AKR7A2: variants seen among roughly 807,000 people sequenced by gnomAD.
AKR7A2 encodes the protein aflatoxin B1 aldehyde reductase member 2.
AKR7A2 carries 29 observed loss-of-function variants against 37.3 expected under a neutral mutation model. The observed-to-expected ratio is 0.78, with a 90% CI of 0.58 to 1.06. AKR7A2 has a LOEUF of 1.06. Ranked by LOEUF, AKR7A2 falls within the 50% of genes least tolerant of loss-of-function variation. AKR7A2 has a pLI of 0.00. For synonymous variants in AKR7A2, 228 were observed against 217.8 expected (o/e 1.05, Z -0.41); for missense variants, 529 against 497.9 (o/e 1.06, Z -0.59).
At chr1:19,307,285 T>C in intron 4 of AKR7A2, 29 bp downstream of exon 4, 1 of 1,612,126 alleles carries the variant, frequency 6.2e-7, no homozygotes, top group Non-Finnish European at 8.5e-7. Flanking sequence ...AGGAATAGGC[T>C]GAGACAGGGT....
rs2093756502 is a variant in AKR7A2 at position 19,304,013 on chromosome 1, C to T, written c.*212G>A. 2.6e-6 allele frequency: 2 copies of T among 771,368 alleles called. No individual in the cohort carries two copies. The allele number at this position is 771,368 out of a possible 1,614,324, so 47.8% of individuals were successfully genotyped here. On this transcript the variant is annotated 3_prime_UTR_variant, in exon 7 of 7. Transcript: ENST00000235835. ...AGGCTACAGCCAGGTCAAGTGCCTG[C>T]TTTATTCAACAGGAAGCGCTCAAGT... is the stretch of plus-strand genomic sequence containing the variant.
intron 3 of AKR7A2, chr1:19,307,627 T>C: frequency 3.3e-6 from 2 of 613,900 alleles, no homozygotes; most frequent in South Asian, 1.9e-5. Flanking sequence ...ATGAACTCCA[T>C]GCTGGACACT....
chr1:19,311,143 G>A (rs1010067135), intron 1 of AKR7A2, among the ~76,000 whole-genome samples: 6 of 152,072 alleles, frequency 3.9e-5, no homozygotes, highest in Admixed American at 2.6e-4. Context: ...GCCTCTCCCC[G>A]GCCTGCAGCT....
Position 19,307,014 on chromosome 1 carries a change from G to C in AKR7A2, c.776C>G (p.Thr259Ser). 2 of 1,614,142 alleles carry C rather than the reference G, an allele frequency of 1.2e-6. No homozygotes were observed. The highest frequency in any genetic ancestry group is 1.7e-6 in the Non-Finnish European group (2 of 1,180,008). Residue 259 changes from threonine to serine, a missense_variant, in exon 5 of 7, where the codon ACC becomes AGC. Physicochemically the swap from Thr to Ser is moderately conservative, Grantham distance 58. Transcript: ENST00000235835. ...GRFFGNSWAETYRNRFWKEHH... is the reference protein window; with the variant it reads ...GRFFGNSWAESYRNRFWKEHH... ...ACCCCCGGCTCACCGATTCCTGTAG[G>C]TCTCAGCCCAGCTATTCCCAAAGAA...
At chr1:19,304,462 C>A in intron 6 of AKR7A2, 76 bp from the exon 7 acceptor site, 1 of 1,611,924 alleles carries the variant, frequency 6.2e-7, no homozygotes, top group South Asian at 1.1e-5. Context: ...CAGCCACCTC[C>A]CTGCTGAGAT....
At chr1:19,310,756 TC>T (rs918771763) in intron 1 of AKR7A2, among the ~76,000 whole-genome samples, 3 of 147,324 alleles carry the variant, frequency 2.0e-5, no homozygotes, top group African/African-American at 7.6e-5. Flanking sequence ...TGCCCTCTTT[TC>T]CCCCCGACCC....
At position 19,306,087 on chromosome 1, in the gene AKR7A2, T is replaced by C. The variant is rs761942792; in HGVS notation, c.849A>G (p.Ala283=). ...TCACACTGGGGGCGCTGGCGCCATA[T>C]GCGGCCTGCAGGGCCTTCTCCACCA... The part of the protein sequence containing the change: ...IALVEKALQA[A]YGASAPSVTS... Residue 283 remains alanine, a synonymous_variant, in exon 6 of 7, where the codon GCA becomes GCG. Coordinates refer to ENST00000235835, the MANE Select transcript of AKR7A2 (RefSeq NM_003689.4). 36 of 1,614,064 alleles carry C rather than the reference T, an allele frequency of 2.2e-5. No homozygotes were observed. The highest frequency in any genetic ancestry group is 2.7e-5 in the Non-Finnish European group (32 of 1,180,006).
chr1:19,311,742 C>G (rs945962669), intron 1 of AKR7A2, 85 bp downstream of exon 1: 1 of 1,561,732 alleles, frequency 6.4e-7, no homozygotes, highest in African/African-American at 1.4e-5. Flanking sequence ...GTGCTGCCCG[C>G]GGCCGGGCCC....
At chr1:19,309,088 C>A (rs1473244189) in intron 1 of AKR7A2, among the ~76,000 whole-genome samples, 2 of 152,192 alleles carry the variant, frequency 1.3e-5, no homozygotes, top group Non-Finnish European at 1.5e-5. Context: ...TCCCAGCCAA[C>A]AAGGAAGAGC....
intron 1 of AKR7A2, among the ~76,000 whole-genome samples, chr1:19,308,978 C>G (rs758607943): frequency 2.6e-5 from 4 of 152,102 alleles, no homozygotes; most frequent in Non-Finnish European, 4.4e-5. Flanking sequence ...ATGGTAAGCA[C>G]AGGAGGGAAA....
downstream of AKR7A2, among the ~76,000 whole-genome samples, chr1:19,303,045 A>T (rs1191344789): frequency 6.6e-6 from 1 of 152,154 alleles, no homozygotes; most frequent in Non-Finnish European, 1.5e-5. Flanking sequence ...TGCAAAGATA[A>T]CTGATACACC....
chr1:19,305,967 C>T (rs370657813), intron 6 of AKR7A2, 51 bp downstream of exon 6: 7 of 1,612,546 alleles, frequency 4.3e-6, no homozygotes, highest in South Asian at 1.1e-5. Flanking sequence ...CTAAAGGTGA[C>T]GCTGGTCCCC....
chr1:19,303,662 T>C (rs184297854), downstream of AKR7A2, among the ~76,000 whole-genome samples: 4 of 152,360 alleles, frequency 2.6e-5, no homozygotes, highest in East Asian at 5.8e-4. Context: ...GTGACTCTAA[T>C]GGTAGTTTCT....
At chr1:19,304,764 T>C (rs2151987771) in intron 6 of AKR7A2, among the ~76,000 whole-genome samples, 1 of 152,198 alleles carries the variant, frequency 6.6e-6, no homozygotes, top group South Asian at 2.1e-4. Context: ...AGAGAGACTC[T>C]GTCTCTACAA....
intron 1 of AKR7A2, 72 bp downstream of exon 1, chr1:19,311,755 G>C: frequency 6.3e-7 from 1 of 1,589,876 alleles, no homozygotes; most frequent in Non-Finnish European, 8.6e-7. Flanking sequence ...CCGGGCCCGA[G>C]CGGGGTGGTG....
Position 19,307,064 on chromosome 1 carries a change from C to G in AKR7A2, c.726G>C (p.Lys242Asn). 1.2e-6 allele frequency: 2 copies of G among 1,614,238 alleles called. No homozygotes were observed. The highest frequency in any genetic ancestry group is 1.7e-6 in the Non-Finnish European group (2 of 1,180,042). ...AGCGGCCCACAGGCTGTTTCCCGTC[C>G]TTGTCCTCATACTTGTACTTGCCAG... The part of the protein sequence containing the change: ...LLTGKYKYED[K>N]DGKQPVGRFF... The change falls in exon 5 of 7, where the codon AAG (lysine) becomes AAC (asparagine). Residue 242 changes from lysine (K) to asparagine (N), a missense_variant. By Grantham distance (94) the Lys-to-Asn change is moderately conservative. Transcript: ENST00000235835.
intron 5 of AKR7A2, 69 bp from the exon 6 acceptor site, chr1:19,306,216 G>A: frequency 6.2e-7 from 1 of 1,609,178 alleles, no homozygotes; most frequent in South Asian, 1.1e-5. Context: ...CAACCAAATA[G>A]CCATCCAGGA....
At chr1:19,310,166 A>G (rs1221616340) in intron 1 of AKR7A2, among the ~76,000 whole-genome samples, 1 of 152,254 alleles carries the variant, frequency 6.6e-6, no homozygotes, top group Non-Finnish European at 1.5e-5. Context: ...TAGCAAAGTC[A>G]GCTCAGTAGC....
In AKR7A2 at chr1:19,304,380, G is replaced by A. The variant is rs147751116; in HGVS notation, c.925C>T (p.His309Tyr). ...MYHHSQLQGAHGDAVILGMSS... is the reference protein window; with the variant it reads ...MYHHSQLQGAYGDAVILGMSS... The stretch of plus-strand genomic sequence containing the variant: ...ATGCCCAGGATGACCGCGTCCCCGT[G>A]GGCACCCTGCAAGGGAGACGGCCAG... The change falls in exon 7 of 7, where the codon CAC becomes TAC. Residue 309 changes from histidine to tyrosine, a missense_variant. His to Tyr is a moderately conservative substitution (Grantham distance 83). Coordinates refer to ENST00000235835, the MANE Select transcript of AKR7A2 (RefSeq NM_003689.4). 3.9e-5 allele frequency: 63 copies of A among 1,613,824 alleles called. No homozygotes were observed. The African/African-American group carries it at 7.7e-4, about 20-fold the overall frequency.
Sources: allele counts gnomAD v4.1 joint callset (sites outside exome capture counted in the v4.1 genomes callset), GRCh38; gene constraint gnomAD v4.1.1; transcripts MANE v1.5; gene names NCBI Gene and HGNC (gene_info 2026-07-23, HGNC 2026-07-21).